The following EPHA4 variants were observed in gnomAD, a reference collection of about 807,000 sequenced individuals.
EPHA4 encodes the protein ephrin type-A receptor 4.
EPHA4 carries 19 observed loss-of-function variants against 108.3 expected under a neutral mutation model. The ratio of observed to expected loss-of-function variants is 0.18; its 90% confidence interval spans 0.12 to 0.26. The LOEUF is 0.26. Among genes scored for constraint, EPHA4 ranks in the 10% least tolerant of loss-of-function variants. The pLI, the probability that EPHA4 is intolerant of heterozygous loss-of-function variation, is 1.00. For synonymous variants in EPHA4, 449 were observed against 455.5 expected (o/e 0.99, Z 0.18); for missense variants, 917 against 1,254.0 (o/e 0.73, Z 4.06).
At chr2:221,502,636 C>G (rs1442092227) in intron 3 of EPHA4, 1 of 469,766 alleles carries the variant, frequency 2.1e-6, no homozygotes, top group African/African-American at 2.0e-5. Flanking sequence ...TGGCTTCCAG[C>G]TGAAGTCTGT....
intron 3 of EPHA4, among the ~76,000 whole-genome samples, chr2:221,540,990 A>G (rs1272437302): frequency 1.5e-5 from 2 of 131,378 alleles, no homozygotes; most frequent in Admixed American, 1.9e-4. Flanking sequence ...TCTGTCTTCC[A>G]GGCTGGAGTG....
intron 5 of EPHA4, 31 bp from the exon 6 acceptor site, chr2:221,458,021 T>C (rs1691017946): frequency 6.3e-7 from 1 of 1,593,520 alleles, no homozygotes; most frequent in Non-Finnish European, 8.5e-7. Context: ...ACAAAAGATA[T>C]TTTCTTTAGG....
intron 5 of EPHA4, 65 bp from the exon 6 acceptor site, chr2:221,458,055 C>A: frequency 6.4e-7 from 1 of 1,561,318 alleles, no homozygotes; most frequent in Admixed American, 1.9e-5. Context: ...TTGGTGGTAG[C>A]CAGAAATAAT....
chr2:221,572,415 G>T (rs1341935351), upstream of EPHA4: 2 of 419,752 alleles, frequency 4.8e-6, no homozygotes, highest in Admixed American at 6.2e-5. Context: ...CAGGGCGGCC[G>T]AGCCCCGCCT....
In EPHA4 at chr2:221,431,847, T is replaced by C. The variant is rs200682133; in HGVS notation, c.2497-1696A>G. 1.6e-4 allele frequency among the ~76,000 whole-genome samples: 25 copies of C among 152,298 alleles called. No homozygotes were observed. In the East Asian group the frequency reaches 4.6e-3, roughly 28 times the overall value. ...TTTTCTCAGTTTACTACTAAATATT[T>C]TGGGGGGCAGAGGATTAAACTAAAC... On this transcript the variant is annotated intron_variant, in intron 14 of 17. Transcript: ENST00000281821.
At chr2:221,435,632 CTG>C (rs1208383511) in intron 13 of EPHA4, among the ~76,000 whole-genome samples, 1 of 152,152 alleles carries the variant, frequency 6.6e-6, no homozygotes, top group African/African-American at 2.4e-5. Context: ...TGGCCAATAA[CTG>C]TTTTATGATT....
At chr2:221,545,169 C>A (rs551568902) in intron 3 of EPHA4, among the ~76,000 whole-genome samples, 1 of 152,142 alleles carries the variant, frequency 6.6e-6, no homozygotes. Context: ...AAGGTATGGC[C>A]GGGCGCGGTG....
At chr2:221,568,847 C>A in intron 1 of EPHA4, 62 bp from the exon 2 acceptor site, 14 of 1,444,770 alleles carry the variant, frequency 9.7e-6, no homozygotes, top group Non-Finnish European at 1.3e-5. Context: ...AACACAAAAA[C>A]CATTTGCCTG....
chr2:221,550,084 A>T (rs1166178373), intron 3 of EPHA4, among the ~76,000 whole-genome samples: 1 of 152,230 alleles, frequency 6.6e-6, no homozygotes, highest in Non-Finnish European at 1.5e-5. Context: ...ACCGTAAAAG[A>T]AACAGAGGCT....
At chr2:221,481,820 T>C (rs1691829368) in intron 5 of EPHA4, among the ~76,000 whole-genome samples, 2 of 152,228 alleles carry the variant, frequency 1.3e-5, no homozygotes, top group Admixed American at 1.3e-4. Flanking sequence ...CTGCTAATGC[T>C]TTTGTTAGAA....
chr2:221,431,210 T>C (rs1025872725), intron 14 of EPHA4, among the ~76,000 whole-genome samples: 1 of 152,196 alleles, frequency 6.6e-6, no homozygotes, highest in African/African-American at 2.4e-5. Flanking sequence ...TGTTTGGGAG[T>C]CTAAAAGTTT....
chr2:221,484,631 C>A (rs1053013219), intron 4 of EPHA4, among the ~76,000 whole-genome samples: 1 of 151,970 alleles, frequency 6.6e-6, no homozygotes, highest in Admixed American at 6.6e-5. Flanking sequence ...CAAATGAATG[C>A]TTTTTGAATA....
In EPHA4 at chr2:221,435,248, T is replaced by C. The variant is rs139609869; in HGVS notation, c.2347-957A>G. 5.7e-3 allele frequency among the ~76,000 whole-genome samples: 874 copies of C among 152,348 alleles called. 8 individuals are homozygous for C. The highest frequency in any genetic ancestry group is 0.02 in the African/African-American group (825 of 41,570). Reference sequence around the variant, plus strand: ...CTTGTTACGCACAGAAGGACACTTGTACTGCATTCCCCCCTGCTTAAATAT... The same window carrying C: ...CTTGTTACGCACAGAAGGACACTTGCACTGCATTCCCCCCTGCTTAAATAT... On this transcript the variant is annotated intron_variant, in intron 13 of 17. Coordinates refer to ENST00000281821, the MANE Select transcript of EPHA4 (RefSeq NM_004438.5).
intron 3 of EPHA4, among the ~76,000 whole-genome samples, chr2:221,554,840 T>G (rs562658830): frequency 6.6e-6 from 1 of 152,328 alleles, no homozygotes; most frequent in South Asian, 2.1e-4. Flanking sequence ...ATGAATGGAC[T>G]CCAGCCCATT....
chr2:221,490,893 T>TC (rs1337617135), intron 4 of EPHA4, among the ~76,000 whole-genome samples: 2 of 152,212 alleles, frequency 1.3e-5, no homozygotes, highest in African/African-American at 4.8e-5. Flanking sequence ...AAGACATCCC[T>TC]CCTGACATAT....
intron 8 of EPHA4, among the ~76,000 whole-genome samples, chr2:221,450,333 A>T (rs750611238): frequency 6.6e-6 from 1 of 152,206 alleles, no homozygotes; most frequent in African/African-American, 2.4e-5. Context: ...CCAAAGTGGA[A>T]TATCTTAACC....
intron 3 of EPHA4, among the ~76,000 whole-genome samples, chr2:221,541,697 A>G (rs1559286235): frequency 1.3e-5 from 2 of 152,226 alleles, no homozygotes; most frequent in Non-Finnish European, 2.9e-5. Context: ...GACGTTACCA[A>G]CAAACCACTT....
intron 3 of EPHA4, among the ~76,000 whole-genome samples, chr2:221,540,366 T>C (rs1693797486): frequency 6.6e-6 from 1 of 152,200 alleles, no homozygotes; most frequent in Admixed American, 6.5e-5. Flanking sequence ...TCAAAGCATG[T>C]CCTCAGTTGT....
At chr2:221,448,084 C>T (rs1446025835) in intron 8 of EPHA4, among the ~76,000 whole-genome samples, 5 of 152,112 alleles carry the variant, frequency 3.3e-5, no homozygotes, top group Admixed American at 6.5e-5. Flanking sequence ...TCAAGTAATC[C>T]GCCCACATAG....
Sources: allele counts gnomAD v4.1 joint callset (sites outside exome capture counted in the v4.1 genomes callset), GRCh38; gene constraint gnomAD v4.1.1; transcripts MANE v1.5; gene names NCBI Gene and HGNC (gene_info 2026-07-23, HGNC 2026-07-21).